TDRD3: variants seen among roughly 807,000 people sequenced by gnomAD.
TDRD3 encodes tudor domain-containing protein 3.
In TDRD3, 45 loss-of-function variants were observed where a neutral mutation model predicts 86.7. That is an observed-to-expected ratio of 0.52 (90% confidence interval 0.41 to 0.67). TDRD3 has a LOEUF of 0.67. TDRD3 is among the 30% of genes least tolerant of loss of function. TDRD3 has a pLI of 0.00. For synonymous variants in TDRD3, 298 were observed against 301.7 expected, an observed-to-expected ratio of 0.99 and a Z score of 0.13; for missense variants, 814 against 889.0, an observed-to-expected ratio of 0.92 and a Z score of 1.07.
intron 13 of TDRD3, among the ~76,000 whole-genome samples, chr13:60,573,251 G>T (rs2138023813): frequency 6.6e-6 from 1 of 152,268 alleles, no homozygotes; most frequent in South Asian, 2.1e-4. Flanking sequence ...GAGGCGGTTA[G>T]GATAGGGAAA....
intron 12 of TDRD3, among the ~76,000 whole-genome samples, chr13:60,548,495 C>T (rs1957980362): frequency 6.6e-6 from 1 of 152,036 alleles, no homozygotes; most frequent in African/African-American, 2.4e-5. Context: ...GCCATTAATG[C>T]CTAATTACCA....
chr13:60,437,072 T>C (rs139452268), intron 1 of TDRD3, among the ~76,000 whole-genome samples: 213 of 151,942 alleles, frequency 1.4e-3, no homozygotes, highest in African/African-American at 4.8e-3. Flanking sequence ...CTTTTTTTAA[T>C]GAGATTATCA....
intron 10 of TDRD3, among the ~76,000 whole-genome samples, chr13:60,520,932 T>A (rs1005653360): frequency 2.6e-5 from 4 of 152,198 alleles, no homozygotes. Flanking sequence ...ATTGAATCGT[T>A]ACCATAATCC....
intron 1 of TDRD3, among the ~76,000 whole-genome samples, chr13:60,432,067 A>G (rs1350884676): frequency 6.6e-6 from 1 of 152,058 alleles, no homozygotes; most frequent in Non-Finnish European, 1.5e-5. Context: ...ATGTGGTAAT[A>G]TTAATAGAAG....
intron 10 of TDRD3, among the ~76,000 whole-genome samples, chr13:60,512,538 A>T (rs1056221908): frequency 2.6e-5 from 4 of 152,194 alleles, no homozygotes; most frequent in Admixed American, 6.5e-5. Flanking sequence ...GAGCCTGAAA[A>T]ATCAAAAGCA....
At chr13:60,544,443 TAAAAAAAAA>T (rs34582725) in intron 12 of TDRD3, among the ~76,000 whole-genome samples, 1 of 130,456 alleles carries the variant, frequency 7.7e-6, no homozygotes, top group Non-Finnish European at 1.6e-5. Flanking sequence ...CATATCTCTT[TAAAAAAAAA>T]AAAAAAAGAA....
At chr13:60,454,940 T>A (rs61968666) in intron 3 of TDRD3, among the ~76,000 whole-genome samples, 22,828 of 152,020 alleles carry the variant, frequency 0.15, 2,150 homozygotes, top group South Asian at 0.28. Flanking sequence ...TGAGACAGAG[T>A]CTTGCTCTTG....
At chr13:60,511,706 A>G (rs1295747434) in intron 10 of TDRD3, among the ~76,000 whole-genome samples, 1 of 152,184 alleles carries the variant, frequency 6.6e-6, no homozygotes, top group African/African-American at 2.4e-5. Context: ...TTCCTCTTAC[A>G]GGCTCACCCA....
chr13:60,528,134 G>A (rs919907532), intron 10 of TDRD3, among the ~76,000 whole-genome samples: 19 of 152,092 alleles, frequency 1.2e-4, no homozygotes, highest in African/African-American at 4.6e-4. Flanking sequence ...TCATTTTTCT[G>A]TGGTCCCTTT....
Position 60,397,401 on chromosome 13 carries a change from G to T in TDRD3, c.37G>T (p.Gly13Cys). 6.7e-7 allele frequency: 1 copy of T among 1,500,838 alleles called. No individual in the cohort carries two copies. Among genetic ancestry groups the T allele is most frequent in the Non-Finnish European group, 8.9e-7 (1 of 1,126,858 alleles). The allele number at this position is 1,500,838 out of a possible 1,614,324, so 93.0% of individuals were successfully genotyped here. A position where few individuals can be genotyped will look rare whatever the true frequency, so the allele number is the denominator to read the frequency against. The stretch of plus-strand genomic sequence containing the variant: ...GGCCGGCGCGGCGTTGTCCCAGGCG[G>T]GTTGGTAAGTGGCGAGTCCCGCCGG... ...QVAGAALSQAGWYLSDEGIEA... is the reference protein window; with the variant it reads ...QVAGAALSQACWYLSDEGIEA... Residue 13 changes from glycine to cysteine, a missense_variant, in exon 1 of 14, where the codon GGT becomes TGT. Coordinates refer to ENST00000377881, the MANE Select transcript of TDRD3 (RefSeq NM_001146070.2).
In TDRD3 at chr13:60,448,284, C is replaced by T. The variant is rs192588970; in HGVS notation, c.192+3536C>T. 3.6e-3 allele frequency among the ~76,000 whole-genome samples: 548 copies of T among 152,140 alleles called. 6 individuals carry two copies. The highest frequency in any genetic ancestry group is 0.013 in the African/African-American group (529 of 41,508). ...TGAATTTACAGCTCTCATTCTAAGA[C>T]GCATCAGAGGCCTTCAGAAAGGCGT... is the stretch of plus-strand genomic sequence containing the variant. On this transcript the variant is annotated intron_variant, in intron 3 of 13. Coordinates refer to ENST00000377881, the MANE Select transcript of TDRD3 (RefSeq NM_001146070.2).
At position 60,494,554 on chromosome 13, in the gene TDRD3, T is replaced by C. The variant is rs775563362; in HGVS notation, c.837T>C (p.His279=). The change falls in exon 8 of 14, where the codon CAT becomes CAC. Residue 279 remains histidine, a synonymous_variant. Transcript: ENST00000377881. ...AGTCAACCAAATCAGAGGGAAAACATGAAGGTGTCTATAGAGAACTGGTAA... is the reference window on the plus strand; with the variant it reads ...AGTCAACCAAATCAGAGGGAAAACACGAAGGTGTCTATAGAGAACTGGTAA... ...KEKSTKSEGK[H]EGVYRELVDE... is the part of the protein sequence containing the mutation. The C allele has an allele frequency of 6.2e-7, 1 of 1,613,696 alleles. No individual in the cohort carries two copies. Among genetic ancestry groups the C allele is most frequent in the Admixed American group, 1.7e-5 (1 of 60,020 alleles).
chr13:60,417,781 T>G (rs1006929923), intron 1 of TDRD3, among the ~76,000 whole-genome samples: 1 of 152,206 alleles, frequency 6.6e-6, no homozygotes, highest in East Asian at 1.9e-4. Context: ...TGCCTTTCAC[T>G]GTACTTCTCT....
At chr13:60,518,112 G>A (rs1257201058) in intron 10 of TDRD3, among the ~76,000 whole-genome samples, 1 of 152,184 alleles carries the variant, frequency 6.6e-6, no homozygotes, top group Non-Finnish European at 1.5e-5. Context: ...AAGATGGCAG[G>A]CACAGTACCA....
chr13:60,542,151 C>G (rs557799855), intron 12 of TDRD3, among the ~76,000 whole-genome samples: 19 of 152,186 alleles, frequency 1.2e-4, no homozygotes, highest in African/African-American at 3.4e-4. Flanking sequence ...AACTTGTTCT[C>G]CTGGAAGTGC....
At chr13:60,465,384 G>A (rs900394753) in intron 4 of TDRD3, among the ~76,000 whole-genome samples, 2 of 152,138 alleles carry the variant, frequency 1.3e-5, no homozygotes, top group African/African-American at 2.4e-5. Context: ...GTATTCAGCT[G>A]TTGCTGATCT....
At chr13:60,474,049 GT>G (rs143158395) in intron 5 of TDRD3, among the ~76,000 whole-genome samples, 1,658 of 152,316 alleles carry the variant, frequency 0.011, 15 homozygotes, top group Non-Finnish European at 0.018. Context: ...CTGTACTTCA[GT>G]GGTCACGCTC....
At chr13:60,571,885 G>A (rs1405608808) in intron 13 of TDRD3, among the ~76,000 whole-genome samples, 1 of 152,106 alleles carries the variant, frequency 6.6e-6, no homozygotes, top group East Asian at 1.9e-4. Context: ...TGGAAAAATA[G>A]GCCCAAGTCT....
Position 60,535,088 on chromosome 13 carries a change from A to G in TDRD3, c.1993-20A>G, listed in dbSNP as rs1240104443. The G allele has an allele frequency of 1.9e-6, 3 of 1,612,490 alleles. No individual in the cohort carries two copies. The highest frequency in any genetic ancestry group is 2.5e-6 in the Non-Finnish European group (3 of 1,179,378). On this transcript the variant is annotated intron_variant, in intron 11 of 13. Transcript: ENST00000377881. ...AGACAATACCAGTTGTCATATTTAAAACTCCTTTTGCCTCCTCAGTTTTAC... is the reference window on the plus strand; with the variant it reads ...AGACAATACCAGTTGTCATATTTAAGACTCCTTTTGCCTCCTCAGTTTTAC...
Sources: allele counts gnomAD v4.1 joint callset (sites outside exome capture counted in the v4.1 genomes callset), GRCh38; gene constraint gnomAD v4.1.1; transcripts MANE v1.5; gene names NCBI Gene and HGNC (gene_info 2026-07-23, HGNC 2026-07-21).